The following DIAPH2 variants were observed in gnomAD, a reference collection of about 807,000 sequenced individuals.
DIAPH2 encodes diaphanous related formin 2.
In DIAPH2, 35 loss-of-function variants were observed where a neutral mutation model predicts 92.7. The ratio of observed to expected loss-of-function variants is 0.38; its 90% CI spans 0.29 to 0.50. The LOEUF (loss-of-function observed/expected upper bound fraction) is 0.50. Ranked by LOEUF, DIAPH2 falls within the 20% of genes least tolerant of loss-of-function variation. DIAPH2 has a pLI of 0.94. For synonymous variants in DIAPH2, 301 were observed against 280.4 expected (o/e 1.07, Z -0.73); for missense variants, 701 against 819.5 (o/e 0.86, Z 1.77).
At chrX:97,263,589 T>G (rs776191787) in intron 23 of DIAPH2, among the ~76,000 whole-genome samples, 3 of 106,206 alleles carry the variant, frequency 2.8e-5, no homozygotes, top group African/African-American at 7.0e-5. Flanking sequence ...ATTTATTTAT[T>G]TATTTATTTA....
intron 23 of DIAPH2, among the ~76,000 whole-genome samples, chrX:97,258,815 G>A (rs1199457299): frequency 5.3e-5 from 5 of 94,260 alleles, no homozygotes; most frequent in African/African-American, 1.2e-4. Context: ...AGCTTGCTGT[G>A]AGCCGAGATC....
intron 9 of DIAPH2, among the ~76,000 whole-genome samples, chrX:96,924,596 G>T (rs777575522): frequency 2.7e-5 from 3 of 110,968 alleles, no homozygotes; most frequent in African/African-American, 6.6e-5. Context: ...AACTGTATTA[G>T]TCCATTCTCA....
chrX:97,293,239 CTTTCTTT>C (rs2068610172), intron 23 of DIAPH2, among the ~76,000 whole-genome samples: 1 of 70,949 alleles, frequency 1.4e-5, no homozygotes, highest in South Asian at 6.3e-4. Context: ...GTTGATATTT[CTTTCTTT>C]TTTTTTTTTT....
At chrX:97,104,434 G>A (rs1392383654) in intron 20 of DIAPH2, among the ~76,000 whole-genome samples, 2 of 109,788 alleles carry the variant, frequency 1.8e-5, no homozygotes, top group Admixed American at 9.8e-5. Flanking sequence ...TGTCCCCCAG[G>A]GTGGAGTGCA....
At chrX:97,144,448 A>C (rs1299561646) in intron 22 of DIAPH2, among the ~76,000 whole-genome samples, 2 of 111,484 alleles carry the variant, frequency 1.8e-5, no homozygotes, top group Admixed American at 1.9e-4. Flanking sequence ...AAATATTCCC[A>C]ACACAAAGAA....
At chrX:96,861,502 C>T (rs1219863230) in intron 4 of DIAPH2, among the ~76,000 whole-genome samples, 1 of 111,773 alleles carries the variant, frequency 8.9e-6, no homozygotes, top group Non-Finnish European at 1.9e-5. Flanking sequence ...ACCCCTGTCA[C>T]CTTTTTAGTT....
chrX:97,096,081 T>G (rs1162611802), intron 19 of DIAPH2, among the ~76,000 whole-genome samples: 5 of 112,207 alleles, frequency 4.5e-5, no homozygotes, highest in African/African-American at 6.5e-5. Context: ...GGCTTGTGCC[T>G]TGAAACTTTC....
intron 23 of DIAPH2, among the ~76,000 whole-genome samples, chrX:97,282,560 TGGC>T (rs1241062835): frequency 7.2e-5 from 8 of 111,706 alleles, no homozygotes; most frequent in African/African-American, 2.6e-4. Context: ...TCGCCTGCCT[TGGC>T]CTCCCAAAGT....
At chrX:97,242,735 C>T (rs5920871) in intron 22 of DIAPH2, among the ~76,000 whole-genome samples, 2,942 of 110,098 alleles carry the variant, frequency 0.027, 31 homozygotes, top group Middle Eastern at 0.047. Context: ...TTTTTGGGTC[C>T]GGGTGCAGAA....
At chrX:97,194,439 G>T (rs2067682861) in intron 22 of DIAPH2, among the ~76,000 whole-genome samples, 1 of 109,742 alleles carries the variant, frequency 9.1e-6, no homozygotes, top group Non-Finnish European at 1.9e-5. Context: ...CCGCCACCAA[G>T]CCCGGCTAAT....
At chrX:97,379,281 A>T (rs899014792) in intron 24 of DIAPH2, among the ~76,000 whole-genome samples, 7 of 111,518 alleles carry the variant, frequency 6.3e-5, no homozygotes, top group African/African-American at 2.3e-4. Flanking sequence ...AACTTCCCCA[A>T]AAAGGGAGGA....
At chrX:96,819,604 A>G (rs1194698341) in intron 4 of DIAPH2, among the ~76,000 whole-genome samples, 1 of 111,935 alleles carries the variant, frequency 8.9e-6, no homozygotes, top group East Asian at 2.8e-4. Context: ...ATTGTCTGTA[A>G]GCTGTTTCTT....
chrX:96,973,839 G>A (rs1024698944), intron 17 of DIAPH2, among the ~76,000 whole-genome samples: 1 of 109,982 alleles, frequency 9.1e-6, no homozygotes, highest in Non-Finnish European at 1.9e-5. Flanking sequence ...GGGATTACAG[G>A]CATGTGCCAT....
At chrX:97,263,900 T>TTTTATTTA (rs10644882) in intron 23 of DIAPH2, among the ~76,000 whole-genome samples, 25,230 of 93,811 alleles carry the variant, frequency 0.27, 3,282 homozygotes, top group Middle Eastern at 0.36. Flanking sequence ...ACTGTTAGTT[T>TTTTATTTA]TTTATTTATT....
intron 5 of DIAPH2, among the ~76,000 whole-genome samples, chrX:96,905,856 G>A (rs2065429590): frequency 8.9e-6 from 1 of 112,262 alleles, no homozygotes; most frequent in South Asian, 3.7e-4. Context: ...TTGGCTGGGC[G>A]CGGTGGCTCA....
intron 23 of DIAPH2, among the ~76,000 whole-genome samples, chrX:97,343,874 T>C (rs2069134540): frequency 9.0e-6 from 1 of 111,265 alleles, no homozygotes; most frequent in African/African-American, 3.3e-5. Context: ...GTCACTATTA[T>C]TGTAAACAAT....
At chrX:97,137,418 G>A (rs1234038679) in intron 21 of DIAPH2, among the ~76,000 whole-genome samples, 1 of 105,405 alleles carries the variant, frequency 9.5e-6, no homozygotes, top group Non-Finnish European at 1.9e-5. Context: ...ATCCTCCTAG[G>A]CACCATGGAT....
At chrX:96,894,974 A>ATTTTTTTTTTTTTTTT (rs766131166) in intron 5 of DIAPH2, among the ~76,000 whole-genome samples, 6 of 59,545 alleles carry the variant, frequency 1.0e-4, no homozygotes, top group East Asian at 6.2e-4. Flanking sequence ...GTTTTTCTTA[A>ATTTTTTTTTTTTTTTT]TTTTTTTTTT....
chrX:96,881,083 A>C (rs760563060), intron 4 of DIAPH2, among the ~76,000 whole-genome samples: 2 of 112,056 alleles, frequency 1.8e-5, no homozygotes, highest in Non-Finnish European at 3.8e-5. Flanking sequence ...TTACATTTTA[A>C]TAACTGTTTT....
Sources: allele counts gnomAD v4.1 joint callset (sites outside exome capture counted in the v4.1 genomes callset), GRCh38; gene constraint gnomAD v4.1.1; transcripts MANE v1.5; gene names NCBI Gene and HGNC (gene_info 2026-07-23, HGNC 2026-07-21).